Variants in PHTF2 observed in about 807,000 individuals in gnomAD.
PHTF2 encodes protein PHTF2.
In PHTF2, 60 loss-of-function variants were observed where a neutral mutation model predicts 101.2. The observed-to-expected ratio is 0.59, with a 90% confidence interval of 0.48 to 0.73. PHTF2 has a LOEUF of 0.73. Ranked by LOEUF, PHTF2 falls within the 30% of genes least tolerant of loss-of-function variation. The pLI is 0.00. For missense variants in PHTF2, 747 were observed against 908.7 expected, an observed-to-expected ratio of 0.82 and a Z score of 2.29; for synonymous variants, 311 against 307.3, an observed-to-expected ratio of 1.01 and a Z score of -0.13.
intron 3 of PHTF2, among the ~76,000 whole-genome samples, chr7:77,891,178 G>A (rs1008113984): frequency 1.3e-5 from 2 of 151,882 alleles, no homozygotes; most frequent in South Asian, 2.1e-4. Flanking sequence ...CAAAGTGCTA[G>A]GATTACAGGC....
chr7:77,901,614 G>A, intron 6 of PHTF2, 148 bp from the exon 6 acceptor site: 1 of 400,192 alleles, frequency 2.5e-6, no homozygotes, highest in Non-Finnish European at 4.5e-6. Context: ...AATATTTAAA[G>A]TATCTATAAA....
At chr7:77,855,397 A>G (rs761419830) in intron 3 of PHTF2, among the ~76,000 whole-genome samples, 19 of 152,168 alleles carry the variant, frequency 1.2e-4, no homozygotes, top group Non-Finnish European at 2.6e-4. Flanking sequence ...CCCCAAATGG[A>G]AGGAAGGAGT....
chr7:77,937,441 A>T (rs1310664276), intron 12 of PHTF2, among the ~76,000 whole-genome samples: 1 of 152,196 alleles, frequency 6.6e-6, no homozygotes, highest in African/African-American at 2.4e-5. Flanking sequence ...TTTCATAACC[A>T]TGTAACTTCT....
chr7:77,840,175 GA>G, intron 1 of PHTF2, 45 bp from the exon 2 acceptor site: 1 of 1,010,204 alleles, frequency 9.9e-7, no homozygotes, highest in Non-Finnish European at 1.6e-6. Context: ...TCTCCTTTTG[GA>G]AGGTGGGAAA....
chr7:77,916,370 A>C (rs2150895937), intron 9 of PHTF2, among the ~76,000 whole-genome samples: 1 of 152,280 alleles, frequency 6.6e-6, no homozygotes, highest in East Asian at 1.9e-4. Flanking sequence ...AATTTTACCA[A>C]TACTGTCCCT....
At chr7:77,944,083 C>CT (rs1330110640) in intron 16 of PHTF2, among the ~76,000 whole-genome samples, 1 of 151,926 alleles carries the variant, frequency 6.6e-6, no homozygotes, top group African/African-American at 2.4e-5. Context: ...GTGTACATAT[C>CT]TGAGTTCATA....
chr7:77,799,567 A>T (rs552979717), intron 1 of PHTF2, among the ~76,000 whole-genome samples: 1 of 152,220 alleles, frequency 6.6e-6, no homozygotes, highest in Admixed American at 6.5e-5. Flanking sequence ...CTTAAGGGAT[A>T]GTTCCCGTCT....
intron 15 of PHTF2, 98 bp downstream of exon 14, chr7:77,940,757 C>A (rs1805577205): frequency 1.2e-6 from 1 of 810,234 alleles, no homozygotes; most frequent in Non-Finnish European, 1.8e-6. Context: ...TGTATAGTAA[C>A]CAGCTTTTAC....
chr7:77,861,515 G>T (rs1797642334), intron 3 of PHTF2, among the ~76,000 whole-genome samples: 1 of 152,030 alleles, frequency 6.6e-6, no homozygotes, highest in Admixed American at 6.6e-5. Flanking sequence ...CCTGATTTGT[G>T]GTGGTTATTG....
chr7:77,833,514 C>T (rs970031044), intron 1 of PHTF2, among the ~76,000 whole-genome samples: 2 of 152,168 alleles, frequency 1.3e-5, no homozygotes, highest in Non-Finnish European at 2.9e-5. Flanking sequence ...GTAATCCCAG[C>T]ACTTGGGGAG....
chr7:77,873,249 A>G (rs1262824705), intron 3 of PHTF2, among the ~76,000 whole-genome samples: 1 of 152,052 alleles, frequency 6.6e-6, no homozygotes, highest in Non-Finnish European at 1.5e-5. Flanking sequence ...TAACTCCCGG[A>G]GCTGCAGCAT....
At chr7:77,927,656 A>G (rs1387402450) in intron 11 of PHTF2, among the ~76,000 whole-genome samples, 1 of 152,216 alleles carries the variant, frequency 6.6e-6, no homozygotes, top group Non-Finnish European at 1.5e-5. Flanking sequence ...GGTGGCTTTA[A>G]GGTAGCATTT....
intron 3 of PHTF2, among the ~76,000 whole-genome samples, chr7:77,890,100 TGTG>T (rs1460962531): frequency 6.7e-6 from 1 of 149,568 alleles, no homozygotes; most frequent in Non-Finnish European, 1.5e-5. Flanking sequence ...TTTGAATAAA[TGTG>T]TCTTTCCAGT....
At chr7:77,833,299 T>C (rs555996561) in intron 1 of PHTF2, among the ~76,000 whole-genome samples, 1 of 152,276 alleles carries the variant, frequency 6.6e-6, no homozygotes, top group Admixed American at 6.5e-5. Context: ...AAACAAGACA[T>C]ATGAGAAGAT....
At chr7:77,897,520 C>G (rs993112514) in intron 5 of PHTF2, among the ~76,000 whole-genome samples, 2 of 151,722 alleles carry the variant, frequency 1.3e-5, no homozygotes, top group Non-Finnish European at 2.9e-5. Flanking sequence ...TTAAAAATCT[C>G]ATTTTTTAAA....
intron 1 of PHTF2, among the ~76,000 whole-genome samples, chr7:77,836,033 G>A (rs1038694752): frequency 1.4e-5 from 2 of 146,728 alleles, no homozygotes; most frequent in African/African-American, 5.1e-5. Context: ...CAGGAGAATC[G>A]CTTGAACCCT....
At chr7:77,804,292 A>G (rs1792797375) in intron 1 of PHTF2, among the ~76,000 whole-genome samples, 1 of 151,840 alleles carries the variant, frequency 6.6e-6, no homozygotes, top group African/African-American at 2.4e-5. Flanking sequence ...AATCTATTTT[A>G]CTCTTGTAGT....
At chr7:77,839,259 C>CTT (rs35838920) in intron 1 of PHTF2, among the ~76,000 whole-genome samples, 8,646 of 152,222 alleles carry the variant, frequency 0.057, 351 homozygotes, top group South Asian at 0.1. Flanking sequence ...TAGGCTCATC[C>CTT]TTAACACTAG....
intron 3 of PHTF2, among the ~76,000 whole-genome samples, chr7:77,877,132 T>C (rs1232198662): frequency 6.6e-6 from 1 of 151,570 alleles, no homozygotes; most frequent in Non-Finnish European, 1.5e-5. Flanking sequence ...TTTTTTTTTT[T>C]TGAGACAGAG....
Sources: gnomAD v4.1 joint callset for allele counts (sites outside exome capture counted in the v4.1 genomes callset) on GRCh38, gnomAD v4.1.1 for gene constraint, MANE v1.5 for transcripts, NCBI Gene and HGNC (gene_info 2026-07-23, HGNC 2026-07-21) for gene names.